PLIN2: variants seen among roughly 807,000 people sequenced by gnomAD.
PLIN2 encodes perilipin-2.
A neutral mutation model predicts 30.6 loss-of-function variants in PLIN2; 33 were observed. That is an observed-to-expected ratio of 1.08 (90% confidence interval 0.82 to 1.44). The LOEUF (loss-of-function observed/expected upper bound fraction) is 1.44, where lower values mean the gene tolerates loss of function less well. PLIN2 is among the 40% of genes most tolerant of loss of function. The pLI, the probability that PLIN2 is intolerant of heterozygous loss-of-function variation, is 0.00. For synonymous variants in PLIN2, 205 were observed against 201.1 expected (o/e 1.02, Z -0.16); for missense variants, 610 against 531.8 (o/e 1.15, Z -1.45).
chr9:19,113,372 C>T (rs1416082261), downstream of PLIN2, among the ~76,000 whole-genome samples: 2 of 151,882 alleles, frequency 1.3e-5, no homozygotes, highest in Non-Finnish European at 2.9e-5. Context: ...TAGAAAATGC[C>T]AGTCACTGGG....
At chr9:19,123,704 C>T (rs773418643) in intron 3 of PLIN2, 57 bp from the exon 4 acceptor site, 424 of 1,445,262 alleles carry the variant, frequency 2.9e-4, no homozygotes, top group Non-Finnish European at 3.7e-4. Context: ...AATGAACACA[C>T]ATTACCATAG....
chr9:19,111,493 C>G (rs1818158938), downstream of PLIN2, among the ~76,000 whole-genome samples: 1 of 152,150 alleles, frequency 6.6e-6, no homozygotes, highest in African/African-American at 2.4e-5. Flanking sequence ...ATTCCTGACT[C>G]TCAGCTTAGG....
At chr9:19,121,787 T>G (rs537666282) in intron 4 of PLIN2, among the ~76,000 whole-genome samples, 52 of 152,152 alleles carry the variant, frequency 3.4e-4, no homozygotes, top group African/African-American at 1.2e-3. Context: ...AAAAATTAGT[T>G]GGGCGTGGTG....
chr9:19,120,554 T>C (rs1818298335), intron 5 of PLIN2, among the ~76,000 whole-genome samples: 2 of 152,194 alleles, frequency 1.3e-5, no homozygotes, highest in Admixed American at 6.6e-5. Flanking sequence ...GGAAAATCTA[T>C]AGAGGCAAAA....
intron 2 of PLIN2, among the ~76,000 whole-genome samples, chr9:19,110,754 G>C (rs2131171918): frequency 6.6e-6 from 1 of 152,320 alleles, no homozygotes; most frequent in East Asian, 1.9e-4. Flanking sequence ...GGGATTACAG[G>C]CATGAGCTAC....
chr9:19,125,953 G>C (rs1392661393), intron 3 of PLIN2, 161 bp downstream of exon 3: 3 of 524,314 alleles, frequency 5.7e-6, no homozygotes, highest in Non-Finnish European at 1.0e-5. Context: ...GAAAAGAAAA[G>C]AAACAGTCCT....
At chr9:19,123,489 T>C (rs1183645650) in intron 4 of PLIN2, 76 bp downstream of exon 4, 40 of 1,608,598 alleles carry the variant, frequency 2.5e-5, no homozygotes, top group Non-Finnish European at 3.2e-5. Flanking sequence ...GTTTGTGATA[T>C]GTACAGCTTG....
chr9:19,126,509 A>G (rs1818402683), intron 1 of PLIN2, 61 bp from the exon 2 acceptor site: 1 of 1,079,834 alleles, frequency 9.3e-7, no homozygotes. Context: ...TCATTCCCCA[A>G]CCCAAGCAAA....
intron 4 of PLIN2, among the ~76,000 whole-genome samples, chr9:19,122,261 C>A (rs566039329): frequency 1.3e-5 from 2 of 152,240 alleles, no homozygotes; most frequent in Non-Finnish European, 2.9e-5. Context: ...AGGCTATACA[C>A]TAAACCTACC....
rs138586916 is a variant in PLIN2, at chr9:19,123,712, T to A, written c.227-65A>T. On this transcript the variant is annotated intron_variant, in intron 3 of 7. Coordinates refer to ENST00000276914, the MANE Select transcript of PLIN2 (RefSeq NM_001122.4). ...GGTATAGAATGAACACACATTACCATAGGCCTTATAAAAAATGGCAATAAT... is the reference window on the plus strand; with the variant it reads ...GGTATAGAATGAACACACATTACCAAAGGCCTTATAAAAAATGGCAATAAT... 1.3e-3 allele frequency: 1,781 copies of A among 1,388,170 alleles called. 10 individuals are homozygous for A. The African/African-American group carries it at 0.02, about 16-fold the overall frequency. 86.0% of individuals were successfully genotyped at this position (1,388,170 alleles called of 1,614,324 possible).
chr9:19,118,438 C>G lies in PLIN2; in HGVS notation c.795G>C (p.Lys265Asn). 1 of 1,613,584 alleles carries G rather than the reference C, an allele frequency of 6.2e-7. No homozygotes were observed. The highest frequency in any genetic ancestry group is 8.5e-7 in the Non-Finnish European group (1 of 1,179,880). ...STVHLIEFAR[K>N]NVYSANQKIQ... is the part of the protein sequence containing the mutation. Reference sequence around the variant, plus strand: ...TTTTCTGATTGGCACTATACACATTCTTCCTGGCAAATTCAATCTAGACAC... The same window carrying G: ...TTTTCTGATTGGCACTATACACATTGTTCCTGGCAAATTCAATCTAGACAC... The change falls in exon 7 of 8, where the codon AAG becomes AAC. Residue 265 changes from lysine (K) to asparagine (N), a missense_variant. Physicochemically the swap from Lys to Asn is moderately conservative, Grantham distance 94. Coordinates refer to ENST00000276914, the MANE Select transcript of PLIN2 (RefSeq NM_001122.4).
intron 3 of PLIN2, among the ~76,000 whole-genome samples, chr9:19,124,900 A>T (rs1818372245): frequency 6.6e-6 from 1 of 152,220 alleles, no homozygotes; most frequent in African/African-American, 2.4e-5. Flanking sequence ...ATAAAAAGAG[A>T]TGAAGTACTG....
chr9:19,115,946 A>G lies in PLIN2; in HGVS notation c.*302T>C, dbSNP rs1427882215. The G allele has an allele frequency of 4.3e-6, 1 of 233,302 alleles. No individual in the cohort carries two copies. Among genetic ancestry groups the G allele is most frequent in the Non-Finnish European group, 8.3e-6 (1 of 120,386 alleles). 14.5% of individuals were successfully genotyped at this position (233,302 alleles called of 1,614,324 possible). On this transcript the variant is annotated 3_prime_UTR_variant, in exon 8 of 8. Transcript: ENST00000276914. ...GCCCACATGAAGATGTTTTTATTCA[A>G]TACAAACAGTAACAGAGGCAACACA...
At chr9:19,111,206 G>A (rs1229179602), downstream of PLIN2, among the ~76,000 whole-genome samples, 1 of 151,986 alleles carries the variant, frequency 6.6e-6, no homozygotes, top group African/African-American at 2.4e-5. Flanking sequence ...GAGCCACAAT[G>A]CCCAGCTAAT....
rs1818415307 is a variant in PLIN2 at position 19,127,177 on chromosome 9, C to G, written c.-23+242G>C. Among the ~76,000 whole-genome samples the G allele has an allele frequency of 6.6e-6, 1 of 152,224 alleles. No homozygotes were observed. Among genetic ancestry groups the G allele is most frequent in the Admixed American group, 6.5e-5 (1 of 15,286 alleles). On this transcript the variant is annotated intron_variant, in intron 1 of 7. Transcript: ENST00000276914. The surrounding 1 kb of genome is among the most constrained non-coding windows in gnomAD (Gnocchi z 4.3). ...CTAAATCTGTTGGCAGGAAAGAAGC[C>G]TCAACGCACAAAGGCAAGGGTCGAA...
chr9:19,108,524 C>T (rs1377995616), exon 3 of PLIN2: 1 of 152,580 alleles, frequency 6.6e-6, no homozygotes, highest in Non-Finnish European at 1.5e-5. Context: ...AATAGATTAA[C>T]ACTCTTCAAA....
chr9:19,125,656 CGCGGTG>C (rs1564032265), intron 3 of PLIN2: 1 of 155,434 alleles, frequency 6.4e-6, no homozygotes. Flanking sequence ...TGTGGACAGG[CGCGGTG>C]GCTCACGCCT....
rs764293708 is a variant in PLIN2, at chr9:19,120,884, T to G, written c.591A>C (p.Glu197Asp). Residue 197 changes from glutamate (E) to aspartate (D), a missense_variant, in exon 5 of 8, where the codon GAA (glutamate) becomes GAC (aspartate). Physicochemically the swap from Glu to Asp is conservative, Grantham distance 45. Coordinates refer to ENST00000276914, the MANE Select transcript of PLIN2 (RefSeq NM_001122.4). ...VEQYLPLTEE[E>D]LEKEAKKVEG... ...TCAAGATAAAATTCCAGTTACCTAG[T>G]TCTTCCTCAGTGAGAGGGAGGTACT... 6.2e-7 allele frequency: 1 copy of G among 1,612,438 alleles called. No homozygotes were observed. The highest frequency in any genetic ancestry group is 1.7e-5 in the Admixed American group (1 of 60,012).
chr9:19,110,571 G>T (rs1053229711), intron 2 of PLIN2, among the ~76,000 whole-genome samples: 4 of 152,026 alleles, frequency 2.6e-5, no homozygotes, highest in Non-Finnish European at 4.4e-5. Context: ...CACCTCCCAG[G>T]TTCAAGTGAT....
Sources: allele counts gnomAD v4.1 joint callset (sites outside exome capture counted in the v4.1 genomes callset), GRCh38; gene constraint gnomAD v4.1.1; non-coding constraint Gnocchi (gnomAD v3.1); transcripts MANE v1.5; gene names NCBI Gene and HGNC (gene_info 2026-07-23, HGNC 2026-07-21).